The following MAP4K3 variants were observed in gnomAD, a reference collection of about 807,000 sequenced individuals.
The protein encoded by MAP4K3 is mitogen-activated protein kinase kinase kinase kinase 3.
In MAP4K3, 94 loss-of-function variants were observed where a neutral mutation model predicts 143.5. The observed-to-expected ratio is 0.65, with a 90% CI of 0.55 to 0.78. The LOEUF (loss-of-function observed/expected upper bound fraction) is 0.78. Ranked by LOEUF, MAP4K3 falls within the 30% of genes least tolerant of loss-of-function variation. The probability of loss-of-function intolerance (pLI) is 0.00; values close to 1 mark genes in which losing one functional copy is unlikely to be tolerated. For missense variants in MAP4K3, 1,077 were observed against 1,068.1 expected (o/e 1.01, Z -0.12); for synonymous variants, 416 against 347.2 (o/e 1.20, Z -2.20).
intron 15 of MAP4K3, among the ~76,000 whole-genome samples, chr2:39,306,209 T>A (rs1682701914): frequency 6.6e-6 from 1 of 152,220 alleles, no homozygotes; most frequent in African/African-American, 2.4e-5. Context: ...AATACTAGAG[T>A]CAATTTAAAA....
rs1267771040 is a variant in MAP4K3, at chr2:39,307,830, A to T, written c.1119+113T>A. On this transcript the variant is annotated intron_variant, in intron 15 of 33. Transcript: ENST00000263881. Reference sequence around the variant, plus strand: ...AATTCTTAATATATAGAAGTTTGCTAAATGATAGCAACTTATAAAACAATG... The same window carrying T: ...AATTCTTAATATATAGAAGTTTGCTTAATGATAGCAACTTATAAAACAATG... 1.1e-5 allele frequency: 8 copies of T among 747,768 alleles called. No individual in the cohort carries two copies. In the South Asian group the frequency reaches 2.0e-4, roughly 19 times the overall value. 46.3% of individuals were successfully genotyped at this position (747,768 alleles called of 1,614,324 possible).
chr2:39,278,415 T>G lies in MAP4K3; in HGVS notation c.1786A>C (p.Met596Leu), dbSNP rs555556350. 6.3e-7 allele frequency: 1 copy of G among 1,575,158 alleles called. No homozygotes were observed. The highest frequency in any genetic ancestry group is 8.7e-7 in the Non-Finnish European group (1 of 1,154,982). Residue 596 changes from methionine to leucine, a missense_variant, in exon 24 of 34, where the codon ATG (methionine) becomes CTG (leucine). This residue lies in a region of MAP4K3 where 864 missense variants were observed against 801.2 expected (regional missense o/e 1.08). Transcript: ENST00000263881. ...LNLNELHETS[M>L]EQLFPRRCTW... ...TATACAAAATAACATACCTGTTCCA[T>G]TGATGTTTCATGAAGTTCATTAAGA...
At chr2:39,260,985 T>G (rs182685696) in intron 28 of MAP4K3, 1 of 454,800 alleles carries the variant, frequency 2.2e-6, no homozygotes, top group African/African-American at 2.0e-5. Flanking sequence ...TTACATGATT[T>G]TAGGACATTA....
At chr2:39,291,882 A>G (rs1682061165) in intron 18 of MAP4K3, among the ~76,000 whole-genome samples, 1 of 152,140 alleles carries the variant, frequency 6.6e-6, no homozygotes, top group African/African-American at 2.4e-5. Flanking sequence ...CTTTCTCAAA[A>G]GAAAGAAAGA....
intron 19 of MAP4K3, among the ~76,000 whole-genome samples, chr2:39,288,992 C>T (rs1441756239): frequency 2.0e-5 from 3 of 152,196 alleles, no homozygotes; most frequent in African/African-American, 7.2e-5. Context: ...GCGTAGCTTG[C>T]AGTGAGCCAA....
At chr2:39,265,564 G>A (rs1028046375) in intron 27 of MAP4K3, among the ~76,000 whole-genome samples, 3 of 152,144 alleles carry the variant, frequency 2.0e-5, no homozygotes, top group Admixed American at 6.5e-5. Context: ...GAGGCTGTGG[G>A]GTAAGAGGAA....
At chr2:39,433,505 A>T (rs1665357226) in intron 1 of MAP4K3, among the ~76,000 whole-genome samples, 1 of 152,210 alleles carries the variant, frequency 6.6e-6, no homozygotes, top group East Asian at 1.9e-4. Flanking sequence ...TCATATTATG[A>T]TCTATTATAA....
chr2:39,395,210 A>G (rs1666771914), intron 1 of MAP4K3, among the ~76,000 whole-genome samples: 1 of 152,198 alleles, frequency 6.6e-6, no homozygotes, highest in Non-Finnish European at 1.5e-5. Context: ...ACCCACCTGC[A>G]AAGGGCTCTG....
In MAP4K3 at chr2:39,272,338, G is replaced by C. The variant is rs891803178; in HGVS notation, c.1918C>G (p.Gln640Glu). The C allele has an allele frequency of 1.1e-5, 17 of 1,613,642 alleles. No homozygotes were observed. Among genetic ancestry groups the C allele is most frequent in the Non-Finnish European group, 1.4e-5 (16 of 1,179,852 alleles). ...PGLFDYARQM[Q>E]KLPVAIPAHK... The stretch of plus-strand genomic sequence containing the variant: ...GCTGGAATAGCAACAGGTAACTTTT[G>C]CATTTGTCTTGCATAATCAAAAAGC... The change falls in exon 26 of 34, where the codon CAA becomes GAA. Residue 640 changes from glutamine (Q) to glutamate (E), a missense_variant. Transcript: ENST00000263881.
At chr2:39,269,470 C>CTT (rs59479315) in intron 26 of MAP4K3, among the ~76,000 whole-genome samples, 55,629 of 89,824 alleles carry the variant, frequency 0.62, 18,042 homozygotes, top group Non-Finnish European at 0.73. Flanking sequence ...TTGCTCAGGT[C>CTT]TTTTTTTTTT....
At chr2:39,273,282 C>T (rs1315008420) in intron 24 of MAP4K3, among the ~76,000 whole-genome samples, 2 of 152,108 alleles carry the variant, frequency 1.3e-5, no homozygotes, top group African/African-American at 4.8e-5. Flanking sequence ...AACACCTGGG[C>T]ACATGGTAGA....
chr2:39,434,614 T>C (rs949378014), intron 1 of MAP4K3, among the ~76,000 whole-genome samples: 7 of 152,234 alleles, frequency 4.6e-5, no homozygotes, highest in African/African-American at 1.7e-4. Context: ...GGAAATGTAA[T>C]ACATTATCTG....
rs1165023595 is a variant in MAP4K3, at chr2:39,303,687, C to T, written c.1120-3886G>A. Among the ~76,000 whole-genome samples the T allele has an allele frequency of 2.0e-5, 3 of 152,208 alleles. No individual in the cohort carries two copies. The South Asian group carries it at 6.2e-4, about 32-fold the overall frequency. On this transcript the variant is annotated intron_variant, in intron 15 of 33. Coordinates refer to ENST00000263881, the MANE Select transcript of MAP4K3 (RefSeq NM_003618.4). ...CCAAGTAGCTGGGATTAAAGACGTG[C>T]ACCACCATGCCCAGCTAATTTCTGT... is the stretch of plus-strand genomic sequence containing the variant.
At chr2:39,356,395 T>C (rs1665611977) in intron 2 of MAP4K3, 56 bp from the exon 3 acceptor site, 1 of 915,718 alleles carries the variant, frequency 1.1e-6, no homozygotes. Flanking sequence ...AAATGCTCAT[T>C]TATTTCAAAA....
intron 17 of MAP4K3, 108 bp downstream of exon 17, chr2:39,293,122 A>C: frequency 2.4e-6 from 2 of 841,024 alleles, no homozygotes; most frequent in Non-Finnish European, 3.8e-6. Context: ...ATCTCTATTA[A>C]AGAAAAAAAA....
At chr2:39,254,415 G>A in intron 32 of MAP4K3, 35 bp downstream of exon 32, 2 of 1,519,250 alleles carry the variant, frequency 1.3e-6, no homozygotes, top group Non-Finnish European at 1.8e-6. Flanking sequence ...ATTTGATAAT[G>A]TCTTGTGACT....
chr2:39,413,598 A>C (rs10170424), intron 1 of MAP4K3, among the ~76,000 whole-genome samples: 135,018 of 152,070 alleles, frequency 0.89, 60,150 homozygotes, highest in Non-Finnish European at 0.92. Flanking sequence ...TGCAAAGTAA[A>C]AAGGTAGAGG....
At chr2:39,332,063 T>C (rs1683702161) in intron 7 of MAP4K3, 74 bp from the exon 8 acceptor site, 3 of 758,608 alleles carry the variant, frequency 4.0e-6, no homozygotes, top group Middle Eastern at 3.4e-4. Context: ...AAAAAGAAAC[T>C]TTTAAAAGTT....
intron 24 of MAP4K3, among the ~76,000 whole-genome samples, chr2:39,275,380 G>A (rs1165036034): frequency 6.6e-6 from 1 of 152,178 alleles, no homozygotes; most frequent in Non-Finnish European, 1.5e-5. Flanking sequence ...CAGCTACTGA[G>A]AACGCTGAGG....
Sources: allele counts gnomAD v4.1 joint callset (sites outside exome capture counted in the v4.1 genomes callset), GRCh38; gene constraint gnomAD v4.1.1; regional missense constraint gnomAD v4.1.1; transcripts MANE v1.5; gene names NCBI Gene and HGNC (gene_info 2026-07-23, HGNC 2026-07-21).